POPDC3: variants seen among roughly 807,000 people sequenced by gnomAD.
POPDC3 encodes popeye domain cAMP effector 3, also known as popeye domain-containing protein 3.
POPDC3 carries 20 observed loss-of-function variants against 28.2 expected under a neutral mutation model. The ratio of observed to expected loss-of-function variants is 0.71; its 90% CI spans 0.50 to 1.03. The LOEUF (loss-of-function observed/expected upper bound fraction) is 1.03, where lower values mean the gene tolerates loss of function less well. POPDC3 is among the 50% of genes least tolerant of loss of function. The pLI, the probability that POPDC3 is intolerant of heterozygous loss-of-function variation, is 0.00. For missense variants in POPDC3, 316 were observed against 345.9 expected (o/e 0.91, Z 0.69); for synonymous variants, 118 against 124.1 (o/e 0.95, Z 0.33).
chr6:105,179,012 T>G, intron 1 of POPDC3: 2 of 985,416 alleles, frequency 2.0e-6, no homozygotes, highest in Non-Finnish European at 2.4e-6. Context: ...GGGCTTCTAA[T>G]TCTACTTTTC....
chr6:105,166,782 T>C (rs1451584316), intron 1 of POPDC3: 2 of 334,270 alleles, frequency 6.0e-6, no homozygotes, highest in Admixed American at 4.4e-5. Context: ...CCATTATGTA[T>C]ATTTTTCCTT....
At position 105,158,686 on chromosome 6, in the gene POPDC3, G is replaced by C; in HGVS notation, c.660C>G (p.Leu220=). ...VSWRRKKLYL[L]FAQHRYISRL... ...GGGAGATGTAGCGATGCTGAGCAAAGAGCAGATATAATTTCTTTCTCCTCC... is the reference window on the plus strand; with the variant it reads ...GGGAGATGTAGCGATGCTGAGCAAACAGCAGATATAATTTCTTTCTCCTCC... The change falls in exon 4 of 4, where the codon CTC becomes CTG. Residue 220 remains leucine, a synonymous_variant. Coordinates refer to ENST00000254765, the MANE Select transcript of POPDC3 (RefSeq NM_022361.5). 6.2e-7 allele frequency: 1 copy of C among 1,614,054 alleles called. No homozygotes were observed. The highest frequency in any genetic ancestry group is 8.5e-7 in the Non-Finnish European group (1 of 1,179,954).
At chr6:105,179,574 C>T in intron 1 of POPDC3, among the ~76,000 whole-genome samples, 1 of 152,136 alleles carries the variant, frequency 6.6e-6, no homozygotes, top group East Asian at 1.9e-4. Flanking sequence ...GGAACCGCAG[C>T]AAAGGATCCC....
intron 1 of POPDC3, among the ~76,000 whole-genome samples, chr6:105,167,133 T>C (rs1051061430): frequency 1.3e-5 from 2 of 151,564 alleles, no homozygotes; most frequent in African/African-American, 4.8e-5. Context: ...GGGAAGCATG[T>C]ATTAGACTAT....
intron 1 of POPDC3, chr6:105,179,128 C>T: frequency 1.0e-6 from 1 of 985,390 alleles, no homozygotes; most frequent in African/African-American, 1.7e-5. Flanking sequence ...TTCATCTTTG[C>T]CTAAAATACA....
chr6:105,163,542 T>C (rs1774395306), intron 1 of POPDC3: 1 of 152,238 alleles, frequency 6.6e-6, no homozygotes, highest in South Asian at 2.1e-4. Flanking sequence ...ATTTTTGAAA[T>C]AGATTATTTC....
At chr6:105,170,983 C>T (rs1176508118) in intron 1 of POPDC3, among the ~76,000 whole-genome samples, 3 of 152,180 alleles carry the variant, frequency 2.0e-5, no homozygotes, top group Non-Finnish European at 4.4e-5. Flanking sequence ...AAAAACTGTG[C>T]TCTTTCTCAG....
At position 105,158,217 on chromosome 6, in the gene POPDC3, G is replaced by A; in HGVS notation, c.*253C>T. Reference sequence around the variant, plus strand: ...AGTGGAATTTCATTCTCCCAGTTTTGATGCAGAAAAGGGCAAACTGCCCAT... The same window carrying A: ...AGTGGAATTTCATTCTCCCAGTTTTAATGCAGAAAAGGGCAAACTGCCCAT... On this transcript the variant is annotated 3_prime_UTR_variant, in exon 4 of 4. Transcript: ENST00000254765. 2.4e-6 allele frequency: 1 copy of A among 409,876 alleles called. No homozygotes were observed. Among genetic ancestry groups the A allele is most frequent in the Admixed American group, 4.0e-5 (1 of 25,208 alleles). The allele number at this position is 409,876 out of a possible 1,614,324, so 25.4% of individuals were successfully genotyped here.
chr6:105,167,814 G>A (rs575114398), intron 1 of POPDC3, among the ~76,000 whole-genome samples: 2 of 151,808 alleles, frequency 1.3e-5, no homozygotes, highest in East Asian at 3.9e-4. Flanking sequence ...TGAAATGACA[G>A]TGTTTTAGAA....
chr6:105,169,851 G>A (rs1562155731), intron 1 of POPDC3: 1 of 152,138 alleles, frequency 6.6e-6, no homozygotes, highest in East Asian at 1.9e-4. Context: ...TCACTCCCAG[G>A]CAGGCAGATG....
chr6:105,167,016 CAA>C (rs1774470650), intron 1 of POPDC3, among the ~76,000 whole-genome samples: 2 of 150,886 alleles, frequency 1.3e-5, no homozygotes, highest in South Asian at 4.2e-4. Flanking sequence ...CTAATAAAGA[CAA>C]GAGTGCACAG....
At chr6:105,158,877 AC>A in intron 3 of POPDC3, 126 bp from the exon 4 acceptor site, 2 of 770,050 alleles carry the variant, frequency 2.6e-6, no homozygotes, top group South Asian at 2.1e-5. Flanking sequence ...AAGCCCACTG[AC>A]CTACAATATA....
intron 1 of POPDC3, among the ~76,000 whole-genome samples, chr6:105,177,597 T>C (rs1383503891): frequency 1.3e-5 from 2 of 152,240 alleles, no homozygotes; most frequent in Admixed American, 6.5e-5. Flanking sequence ...CAGGTACTAA[T>C]TCCTAAAACA....
At chr6:105,179,250 C>A in intron 1 of POPDC3, 7 of 985,328 alleles carry the variant, frequency 7.1e-6, no homozygotes, top group Non-Finnish European at 8.4e-6. Flanking sequence ...GTCCGCGCGA[C>A]CTTTGATGAG....
At chr6:105,158,869 G>A in intron 3 of POPDC3, 118 bp from the exon 4 acceptor site, 1 of 865,102 alleles carries the variant, frequency 1.2e-6, no homozygotes, top group Non-Finnish European at 1.8e-6. Flanking sequence ...GGTTGAAAAA[G>A]CCCACTGACC....
At chr6:105,168,819 G>A (rs1182311497) in intron 1 of POPDC3, 2 of 152,252 alleles carry the variant, frequency 1.3e-5, no homozygotes, top group East Asian at 3.8e-4. Context: ...ACATCCATAT[G>A]TGAACTGCCT....
At position 105,166,754 on chromosome 6, in the gene POPDC3, T is replaced by C. The variant is rs1322416278; in HGVS notation, c.-251-4594A>G. The C allele has an allele frequency of 7.0e-6, 3 of 431,140 alleles. No homozygotes were observed. In the East Asian group the frequency reaches 2.1e-4, roughly 31 times the overall value. 26.7% of individuals were successfully genotyped at this position (431,140 alleles called of 1,614,324 possible). ...TTATCTGTCTACATAGCCTCCATCATAGATTGTGTCATACTGACCATTATG... is the reference window on the plus strand; with the variant it reads ...TTATCTGTCTACATAGCCTCCATCACAGATTGTGTCATACTGACCATTATG... On this transcript the variant is annotated intron_variant, in intron 1 of 3. Coordinates refer to ENST00000254765, the MANE Select transcript of POPDC3 (RefSeq NM_022361.5).
chr6:105,161,572 C>G lies in POPDC3; in HGVS notation c.338G>C (p.Ser113Thr). 5.0e-6 allele frequency: 8 copies of G among 1,614,102 alleles called. No individual in the cohort carries two copies. The highest frequency in any genetic ancestry group is 6.8e-6 in the Non-Finnish European group (8 of 1,180,028). Residue 113 changes from serine (S) to threonine (T), a missense_variant, in exon 2 of 4, where the codon AGC becomes ACC. By Grantham distance (58) the Ser-to-Thr change is moderately conservative. Transcript: ENST00000254765. ...GATCCCCAGGGGCTGGAAAAGGGAG[C>G]TGTACAACACTTGGAATTCTCGGGC... ...TFAREFQVLY[S>T]SLFQPLGISL...
At chr6:105,175,375 C>CAA (rs60678447) in intron 1 of POPDC3, among the ~76,000 whole-genome samples, 4,341 of 98,958 alleles carry the variant, frequency 0.044, 126 homozygotes, top group African/African-American at 0.082. Context: ...CCTAACTCTC[C>CAA]AAAAAAAAAA....
Sources: allele counts gnomAD v4.1 joint callset (sites outside exome capture counted in the v4.1 genomes callset), GRCh38; gene constraint gnomAD v4.1.1; transcripts MANE v1.5; gene names NCBI Gene and HGNC (gene_info 2026-07-23, HGNC 2026-07-21).